The following AGFG1 variants were observed in gnomAD, a reference collection of about 807,000 sequenced individuals.
The protein encoded by AGFG1 is ArfGAP with FG repeats 1.
A neutral mutation model predicts 60.6 loss-of-function variants in AGFG1; 10 were observed. The observed-to-expected ratio is 0.16, with a 90% CI of 0.10 to 0.28. The LOEUF (loss-of-function observed/expected upper bound fraction) is 0.28, where lower values mean the gene tolerates loss of function less well. Among genes scored for constraint, AGFG1 ranks in the 10% least tolerant of loss-of-function variants. The pLI is 1.00. For synonymous variants in AGFG1, 247 were observed against 242.9 expected (o/e 1.02, Z -0.16); for missense variants, 537 against 676.5 (o/e 0.79, Z 2.29).
intron 2 of AGFG1, among the ~76,000 whole-genome samples, chr2:227,515,032 C>G (rs985914551): frequency 2.0e-5 from 3 of 152,124 alleles, no homozygotes; most frequent in Admixed American, 6.5e-5. Context: ...AGGTGATTCT[C>G]TCACCTCAGC....
chr2:227,497,271 A>T lies in AGFG1; in HGVS notation c.261+5631A>T, dbSNP rs185817824. Among the ~76,000 whole-genome samples the T allele has an allele frequency of 3.3e-5, 5 of 151,914 alleles. No homozygotes were observed. In the East Asian group the frequency reaches 9.7e-4, roughly 30 times the overall value. ...ACCCAGTTTGGTCTGCAGATTGAAGATGTATAGAACTCTTAACGTTTCAGC... is the reference window on the plus strand; with the variant it reads ...ACCCAGTTTGGTCTGCAGATTGAAGTTGTATAGAACTCTTAACGTTTCAGC... On this transcript the variant is annotated intron_variant, in intron 2 of 12. Transcript: ENST00000310078.
At chr2:227,515,858 T>C (rs1691634906) in intron 2 of AGFG1, among the ~76,000 whole-genome samples, 1 of 152,124 alleles carries the variant, frequency 6.6e-6, no homozygotes, top group African/African-American at 2.4e-5. Flanking sequence ...TCTAGATGCC[T>C]GAAATAGCAA....
At chr2:227,503,296 A>G (rs1018725372) in intron 2 of AGFG1, among the ~76,000 whole-genome samples, 1 of 151,902 alleles carries the variant, frequency 6.6e-6, no homozygotes, top group Non-Finnish European at 1.5e-5. Flanking sequence ...TCTCTATTAT[A>G]TAGTGTCATT....
intron 5 of AGFG1, among the ~76,000 whole-genome samples, chr2:227,525,424 A>T (rs1317780542): frequency 6.6e-6 from 1 of 152,214 alleles, no homozygotes; most frequent in African/African-American, 2.4e-5. Flanking sequence ...ATTAGGATTC[A>T]AATGTTCATT....
intron 7 of AGFG1, 131 bp from the exon 8 acceptor site, chr2:227,534,705 TATTTATTAG>T: frequency 1.2e-6 from 1 of 831,306 alleles, no homozygotes; most frequent in Middle Eastern, 3.1e-4. Context: ...TGGTCCAGGT[TATTTATTAG>T]ATTAATGATT....
chr2:227,509,401 T>G (rs1304142004), intron 2 of AGFG1, among the ~76,000 whole-genome samples: 4 of 152,198 alleles, frequency 2.6e-5, no homozygotes, highest in Non-Finnish European at 5.9e-5. Context: ...TAATGGATTC[T>G]GGACAAGGAA....
chr2:227,530,866 A>G (rs1055229977), intron 5 of AGFG1, among the ~76,000 whole-genome samples: 3 of 152,178 alleles, frequency 2.0e-5, no homozygotes, highest in African/African-American at 7.2e-5. Context: ...GTCCAAATTT[A>G]TCATTGCACA....
rs758206413 is a variant in AGFG1, at chr2:227,531,148, G to A, written c.752G>A (p.Gly251Asp). Residue 251 changes from glycine (G) to aspartate (D), a missense_variant, in exon 6 of 13, where the codon GGT becomes GAT. Transcript: ENST00000310078. ...TTTGATGCATTTGGACAGTCTAGTG[G>A]TTCGAGTAATTTTGGAGGTTTCCCC... ...ANFDAFGQSSGSSNFGGFPTA... is the reference protein window; with the variant it reads ...ANFDAFGQSSDSSNFGGFPTA... The A allele has an allele frequency of 3.7e-6, 6 of 1,613,690 alleles. No homozygotes were observed. Among genetic ancestry groups the A allele is most frequent in the Admixed American group, 1.7e-5 (1 of 59,988 alleles).
intron 2 of AGFG1, among the ~76,000 whole-genome samples, chr2:227,502,521 A>G (rs989227368): frequency 5.3e-5 from 8 of 151,670 alleles, no homozygotes; most frequent in African/African-American, 1.9e-4. Context: ...AGGATTTGCC[A>G]TGTAGGCCAG....
At chr2:227,525,800 C>G (rs4542844) in intron 5 of AGFG1, among the ~76,000 whole-genome samples, 6,809 of 152,238 alleles carry the variant, frequency 0.045, 232 homozygotes, top group Middle Eastern at 0.11. Context: ...TGGGGATATT[C>G]TTACTACTTG....
chr2:227,531,099 T>A lies in AGFG1; in HGVS notation c.703T>A (p.Ser235Thr). Residue 235 changes from serine to threonine, a missense_variant, in exon 6 of 13, where the codon TCT becomes ACT. Physicochemically the swap from Ser to Thr is moderately conservative, Grantham distance 58. This residue lies in a region of AGFG1 where 287 missense variants were observed against 343.6 expected (regional missense o/e 0.84). Coordinates refer to ENST00000310078, the MANE Select transcript of AGFG1 (RefSeq NM_004504.5). The stretch of plus-strand genomic sequence containing the variant: ...TTCCTTACCATTTACAGCTCAGAAT[T>A]CTGCAAATGCAGATTTTGCAAACTT... ...AHFNSHAAQN[S>T]ANADFANFDA... is the part of the protein sequence containing the mutation. The A allele has an allele frequency of 6.2e-7, 1 of 1,612,220 alleles. No homozygotes were observed.
At chr2:227,472,800 G>A (rs1233862177) in intron 1 of AGFG1, among the ~76,000 whole-genome samples, 1 of 141,072 alleles carries the variant, frequency 7.1e-6, no homozygotes, top group Non-Finnish European at 1.5e-5. Context: ...TGCGTTTTCG[G>A]TTTTGCCGGG....
intron 2 of AGFG1, among the ~76,000 whole-genome samples, chr2:227,496,198 A>C (rs1408108000): frequency 6.6e-6 from 1 of 152,026 alleles, no homozygotes; most frequent in Non-Finnish European, 1.5e-5. Context: ...CAGGCATTGC[A>C]TGCCAGTATT....
Position 227,472,381 on chromosome 2 carries a change from G to T in AGFG1, c.-41G>T. 1 of 1,280,604 alleles carries T rather than the reference G, an allele frequency of 7.8e-7. No individual in the cohort carries two copies. The highest frequency in any genetic ancestry group is 1.6e-5 in the South Asian group (1 of 60,644). 79.3% of individuals were successfully genotyped at this position (1,280,604 alleles called of 1,614,324 possible). On this transcript the variant is annotated 5_prime_UTR_variant, in exon 1 of 13. Transcript: ENST00000310078. ...GCGGGCCCCCGGCGCAGCGCTGCCC[G>T]GCTCCCGGCCCTGCCGGCCTCCTCC...
chr2:227,532,040 A>G, intron 6 of AGFG1: 1 of 939,198 alleles, frequency 1.1e-6, no homozygotes, highest in Non-Finnish European at 1.5e-6. Flanking sequence ...TTTTCTTTCA[A>G]CTTTTAACTC....
intron 10 of AGFG1, among the ~76,000 whole-genome samples, chr2:227,544,883 C>G (rs931466079): frequency 6.6e-6 from 1 of 152,068 alleles, no homozygotes; most frequent in South Asian, 2.1e-4. Flanking sequence ...CTCTGGCTGC[C>G]CTTAACATTT....
In AGFG1 at chr2:227,527,013, T is replaced by C. The variant is rs1692014074; in HGVS notation, c.694+2098T>C. Among the ~76,000 whole-genome samples the C allele has an allele frequency of 2.0e-5, 3 of 152,152 alleles. No individual in the cohort carries two copies. In the South Asian group the frequency reaches 6.2e-4, roughly 31 times the overall value. ...AAGCATGCAAACCTTGCAGAGGTAC[T>C]TAGGTTAGGTAATATTTAAAAATTG... On this transcript the variant is annotated intron_variant, in intron 5 of 12. Coordinates refer to ENST00000310078, the MANE Select transcript of AGFG1 (RefSeq NM_004504.5).
intron 8 of AGFG1, among the ~76,000 whole-genome samples, 172 bp downstream of exon 8, chr2:227,535,197 T>G (rs1456833616): frequency 6.6e-5 from 10 of 152,204 alleles, no homozygotes; most frequent in Admixed American, 6.5e-5. Context: ...CTTGAATAAT[T>G]GCCATAATTT....
chr2:227,489,779 AT>A (rs1690747144), intron 1 of AGFG1, among the ~76,000 whole-genome samples: 1 of 152,008 alleles, frequency 6.6e-6, no homozygotes, highest in African/African-American at 2.4e-5. Context: ...GAAGCAGTGA[AT>A]TGAGGAGCTT....
Sources: allele counts gnomAD v4.1 joint callset (sites outside exome capture counted in the v4.1 genomes callset), GRCh38; gene constraint gnomAD v4.1.1; regional missense constraint gnomAD v4.1.1; transcripts MANE v1.5; gene names NCBI Gene and HGNC (gene_info 2026-07-23, HGNC 2026-07-21).